Variants in AASDH observed in about 807,000 individuals in gnomAD.
The protein encoded by AASDH is beta-alanine-activating enzyme.
In AASDH, 81 loss-of-function variants were observed where a neutral mutation model predicts 102.3. The observed-to-expected ratio is 0.79, with a 90% CI of 0.66 to 0.95. AASDH has a LOEUF of 0.95. AASDH is among the 40% of genes least tolerant of loss of function. AASDH has a pLI of 0.00. For synonymous variants in AASDH, 398 were observed against 454.0 expected (o/e 0.88, Z 1.57); for missense variants, 1,203 against 1,266.2 (o/e 0.95, Z 0.76).
chr4:56,353,307 C>A, intron 9 of AASDH, 97 bp downstream of exon 9: 3 of 1,024,024 alleles, frequency 2.9e-6, no homozygotes, highest in South Asian at 2.0e-5. Flanking sequence ...ATGCTAGTAC[C>A]ATTTATAAAA....
In AASDH at chr4:56,343,592, T is replaced by C. The variant is rs201878011; in HGVS notation, c.2745A>G (p.Thr915=). 6.2e-7 allele frequency: 1 copy of C among 1,610,258 alleles called. No homozygotes were observed. Among genetic ancestry groups the C allele is most frequent in the East Asian group, 2.2e-5 (1 of 44,718 alleles). The change falls in exon 13 of 15, where the codon ACA becomes ACG. Residue 915 remains threonine (T), a synonymous_variant. Coordinates refer to ENST00000205214, the MANE Select transcript of AASDH (RefSeq NM_181806.4). ...NLIPHHLYFA[T]LGGLLLAVNP... ...TTACAGCCAGTAAAAGTCCTCCCAA[T>C]GTAGCAAAATACAAATGATGTGGAA...
intron 3 of AASDH, 187 bp downstream of exon 3, chr4:56,382,290 C>T: frequency 1.9e-6 from 1 of 536,952 alleles, no homozygotes; most frequent in South Asian, 2.4e-5. Context: ...AAATATATTG[C>T]TAAATATCCT....
intron 10 of AASDH, among the ~76,000 whole-genome samples, chr4:56,350,545 G>A (rs535444001): frequency 3.6e-4 from 54 of 151,540 alleles, no homozygotes; most frequent in African/African-American, 1.3e-3. Context: ...TATGTTAAAG[G>A]AGATCACTGT....
intron 3 of AASDH, among the ~76,000 whole-genome samples, chr4:56,380,998 A>G (rs763876103): frequency 1.3e-5 from 2 of 152,204 alleles, no homozygotes; most frequent in Non-Finnish European, 2.9e-5. Flanking sequence ...GAACACTTAC[A>G]CCATCATCAA....
At chr4:56,386,280 G>A (rs1199283111) in intron 1 of AASDH, among the ~76,000 whole-genome samples, 1 of 152,194 alleles carries the variant, frequency 6.6e-6, no homozygotes, top group Non-Finnish European at 1.5e-5. Flanking sequence ...TATGAGGAAT[G>A]AGTTCATTTC....
At chr4:56,353,317 A>T in intron 9 of AASDH, 87 bp downstream of exon 9, 1 of 1,128,756 alleles carries the variant, frequency 8.9e-7, no homozygotes. Context: ...CATTTATAAA[A>T]ATAAAGATTT....
intron 5 of AASDH, among the ~76,000 whole-genome samples, chr4:56,369,091 C>A (rs951708806): frequency 6.6e-6 from 1 of 152,150 alleles, no homozygotes; most frequent in Non-Finnish European, 1.5e-5. Context: ...TAAATAAAAT[C>A]ACCATGAAAC....
At chr4:56,361,946 TG>T (rs1428166683) in intron 5 of AASDH, among the ~76,000 whole-genome samples, 4 of 152,232 alleles carry the variant, frequency 2.6e-5, no homozygotes, top group African/African-American at 7.2e-5. Flanking sequence ...TGCTCCAGCC[TG>T]GGTAACAAAG....
intron 4 of AASDH, among the ~76,000 whole-genome samples, chr4:56,374,576 C>CT (rs1326189516): frequency 2.0e-5 from 3 of 151,982 alleles, no homozygotes; most frequent in Non-Finnish European, 4.4e-5. Context: ...CACAAACTTT[C>CT]TTATCTCCTG....
At position 56,353,441 on chromosome 4, in the gene AASDH, C is replaced by T. The variant is rs1733965227; in HGVS notation, c.1539G>A (p.Glu513=). Residue 513 remains glutamate, a synonymous_variant, in exon 9 of 15, where the codon GAG becomes GAA. Coordinates refer to ENST00000205214, the MANE Select transcript of AASDH (RefSeq NM_181806.4). The part of the protein sequence containing the change: ...KYLPSHAVPD[E]LVLIDSLPFT... ...ATGGTAGAGAGTCGATCAATACAAG[C>T]TCATCCGGGACTGCATGACTTGGAA... is the stretch of plus-strand genomic sequence containing the variant. 1 of 1,613,142 alleles carries T rather than the reference C, an allele frequency of 6.2e-7. No individual in the cohort carries two copies. Among genetic ancestry groups the T allele is most frequent in the Non-Finnish European group, 8.5e-7 (1 of 1,179,728 alleles).
At chr4:56,343,069 G>A in intron 13 of AASDH, 103 bp from the exon 14 acceptor site, 1 of 1,164,438 alleles carries the variant, frequency 8.6e-7, no homozygotes, top group Admixed American at 3.0e-5. Context: ...AACTAAAATA[G>A]CAGAAAATGC....
chr4:56,350,150 C>T (rs766192884), intron 10 of AASDH, 92 bp from the exon 11 acceptor site: 2 of 1,095,704 alleles, frequency 1.8e-6, no homozygotes, highest in African/African-American at 3.2e-5. Context: ...ATGAGAGTAC[C>T]TACATTAATA....
intron 4 of AASDH, among the ~76,000 whole-genome samples, chr4:56,372,536 C>T (rs1003051830): frequency 6.6e-6 from 1 of 152,096 alleles, no homozygotes; most frequent in South Asian, 2.1e-4. Flanking sequence ...CATTGTGGAG[C>T]CTATGACACT....
Position 56,378,309 on chromosome 4 carries a change from G to C in AASDH, c.507C>G (p.Ser169Arg). The C allele has an allele frequency of 6.2e-7, 1 of 1,614,034 alleles. No homozygotes were observed. Among genetic ancestry groups the C allele is most frequent in the Non-Finnish European group, 8.5e-7 (1 of 1,180,012 alleles). ...KEKYEKEKIKSISSEHVNEEK... is the reference protein window; with the variant it reads ...KEKYEKEKIKRISSEHVNEEK... ...CTTCATTGACATGCTCAGAACTTAT[G>C]CTTTTTATTTTTTCTTTTTCATATT... The change falls in exon 4 of 15, where the codon AGC becomes AGG. Residue 169 changes from serine (S) to arginine (R), a missense_variant. Coordinates refer to ENST00000205214, the MANE Select transcript of AASDH (RefSeq NM_181806.4).
At chr4:56,353,759 T>C (rs573408002) in intron 8 of AASDH, among the ~76,000 whole-genome samples, 163 bp from the exon 9 acceptor site, 7 of 152,330 alleles carry the variant, frequency 4.6e-5, no homozygotes, top group Middle Eastern at 3.4e-3. Flanking sequence ...TACTTGCACA[T>C]AGGGTTCATA....
chr4:56,357,313 G>A lies in AASDH; in HGVS notation c.862-1890C>T, dbSNP rs533534432. ...GATGGTACCTTCTTGCTGTGTTCTC[G>A]CATGGTAGAAGGAACCAAAAAGCAA... On this transcript the variant is annotated intron_variant, in intron 5 of 14. Transcript: ENST00000205214. Among the ~76,000 whole-genome samples the A allele has an allele frequency of 2.5e-4, 38 of 152,188 alleles. No individual in the cohort carries two copies. In the South Asian group the frequency reaches 2.7e-3, roughly 11 times the overall value.
At chr4:56,339,402 C>T (rs1180177826) in intron 14 of AASDH, among the ~76,000 whole-genome samples, 1 of 152,110 alleles carries the variant, frequency 6.6e-6, no homozygotes, top group African/African-American at 2.4e-5. Context: ...ACCTCGGCCT[C>T]CCAAAGTGCA....
chr4:56,354,632 G>T (rs1415178918), intron 7 of AASDH, 73 bp downstream of exon 7: 3 of 1,102,546 alleles, frequency 2.7e-6, no homozygotes, highest in Admixed American at 2.4e-5. Flanking sequence ...AGAAAAAGAC[G>T]AAAGGAATAA....
chr4:56,372,222 C>T (rs1444318594), intron 4 of AASDH, among the ~76,000 whole-genome samples: 1 of 152,228 alleles, frequency 6.6e-6, no homozygotes, highest in Non-Finnish European at 1.5e-5. Context: ...TCTGATTTCA[C>T]CTGGGACAGT....
Sources: allele counts gnomAD v4.1 joint callset (sites outside exome capture counted in the v4.1 genomes callset), GRCh38; gene constraint gnomAD v4.1.1; transcripts MANE v1.5; gene names NCBI Gene and HGNC (gene_info 2026-07-23, HGNC 2026-07-21).